Variants in PLEKHG7 observed in about 807,000 individuals in gnomAD.
PLEKHG7 encodes pleckstrin homology domain-containing family G member 7.
PLEKHG7 carries 77 observed loss-of-function variants against 85.2 expected under a neutral mutation model. That is an observed-to-expected ratio of 0.90 (90% CI 0.75 to 1.09). The LOEUF (loss-of-function observed/expected upper bound fraction) is 1.09, where lower values mean the gene tolerates loss of function less well. Ranked by LOEUF, PLEKHG7 falls within the 50% of genes least tolerant of loss-of-function variation. PLEKHG7 has a pLI of 0.00. For missense variants in PLEKHG7, 777 were observed against 804.3 expected (o/e 0.97, Z 0.41); for synonymous variants, 301 against 302.4 (o/e 1.00, Z 0.05).
At chr12:92,757,161 C>A (rs6538357) in intron 13 of PLEKHG7, among the ~76,000 whole-genome samples, 78,939 of 152,084 alleles carry the variant, frequency 0.52, 21,389 homozygotes, top group East Asian at 0.9. Flanking sequence ...GCCTGTACAA[C>A]CTTGGGCCAT....
At chr12:92,720,964 A>G (rs572619841) in intron 3 of PLEKHG7, among the ~76,000 whole-genome samples, 4 of 152,262 alleles carry the variant, frequency 2.6e-5, no homozygotes, top group Middle Eastern at 6.8e-3. Flanking sequence ...TTGAATTTCT[A>G]ATTCTAGCTC....
intron 3 of PLEKHG7, among the ~76,000 whole-genome samples, chr12:92,716,389 T>C (rs1565787131): frequency 6.6e-6 from 1 of 152,224 alleles, no homozygotes; most frequent in Non-Finnish European, 1.5e-5. Context: ...TTACAGTGTT[T>C]TAACCTGTAA....
At position 92,765,327 on chromosome 12, in the gene PLEKHG7, A is replaced by T. The variant is rs1368373859; in HGVS notation, c.1870+1133A>T. ...CATAGTGAGACCCAGTCTCTTATTA[A>T]AAAAAAAAAAAAAAAAAATAGGCTG... On this transcript the variant is annotated intron_variant, in intron 15 of 16. Coordinates refer to ENST00000344636, the MANE Select transcript of PLEKHG7 (RefSeq NM_001377329.1). Among the ~76,000 whole-genome samples the T allele has an allele frequency of 2.7e-3, 12 of 4,468 alleles. No individual in the cohort carries two copies. In the East Asian group the frequency reaches 0.21, roughly 78 times the overall value. 2.9% of individuals were successfully genotyped at this position (4,468 alleles called of 152,430 possible). A position where few individuals can be genotyped will look rare whatever the true frequency, so the allele number is the denominator to read the frequency against.
chr12:92,737,221 G>A lies in PLEKHG7; in HGVS notation c.796-157G>A, dbSNP rs150535510. Among the ~76,000 whole-genome samples the A allele has an allele frequency of 2.0e-3, 307 of 152,230 alleles. 1 individual carries two copies. The highest frequency in any genetic ancestry group is 7.0e-3 in the African/African-American group (291 of 41,542). On this transcript the variant is annotated intron_variant, in intron 6 of 16. Transcript: ENST00000344636. Reference sequence around the variant, plus strand: ...GAGAAGCTGTGGCTTGGGTCACTTGGGGAGTCACTGTCAAGAGGGATGCCC... The same window carrying A: ...GAGAAGCTGTGGCTTGGGTCACTTGAGGAGTCACTGTCAAGAGGGATGCCC...
chr12:92,746,822 T>A lies in PLEKHG7; in HGVS notation c.1251+1231T>A, dbSNP rs1487865509. Among the ~76,000 whole-genome samples the A allele has an allele frequency of 3.9e-5, 6 of 152,244 alleles. No homozygotes were observed. The East Asian group carries it at 1.2e-3, about 29-fold the overall frequency. Reference sequence around the variant, plus strand: ...TAAATAGCATTAGGAAAACTGAATATCTCGATGCAGAAGAATGAAAGTAGA... The same window carrying A: ...TAAATAGCATTAGGAAAACTGAATAACTCGATGCAGAAGAATGAAAGTAGA... On this transcript the variant is annotated intron_variant, in intron 10 of 16. Transcript: ENST00000344636.
At position 92,706,826 on chromosome 12, in the gene PLEKHG7, C is replaced by G. The variant is rs1279344512; in HGVS notation, c.195C>G (p.Ala65=). 6.2e-7 allele frequency: 1 copy of G among 1,613,956 alleles called. No individual in the cohort carries two copies. The highest frequency in any genetic ancestry group is 8.5e-7 in the Non-Finnish European group (1 of 1,180,016). ...GTGGCTGTGGGACAAGGCAGGATGC[C>G]TGGCAGGTGACCACCTGGGGAAGCT... ...RTRGCGTRQD[A]WQVTTWGSWG... Residue 65 remains alanine (A), a synonymous_variant, in exon 2 of 17, where the codon GCC becomes GCG. Coordinates refer to ENST00000344636, the MANE Select transcript of PLEKHG7 (RefSeq NM_001377329.1).
intron 3 of PLEKHG7, among the ~76,000 whole-genome samples, chr12:92,715,859 C>T (rs77083227): frequency 0.058 from 8,744 of 151,970 alleles, 832 homozygotes; most frequent in African/African-American, 0.2. Flanking sequence ...GTGGCTGTTT[C>T]AACATTGTAA....
At chr12:92,734,448 T>C (rs1872080510) in intron 5 of PLEKHG7, among the ~76,000 whole-genome samples, 1 of 152,232 alleles carries the variant, frequency 6.6e-6, no homozygotes, top group Non-Finnish European at 1.5e-5. Context: ...TGTGAACTCA[T>C]AAATTCTACA....
intron 3 of PLEKHG7, among the ~76,000 whole-genome samples, chr12:92,719,114 T>C (rs1651434571): frequency 6.6e-6 from 1 of 152,194 alleles, no homozygotes; most frequent in Admixed American, 6.5e-5. Context: ...TTGGAAACCA[T>C]AGTCGAACAT....
At chr12:92,706,049 G>T (rs1253292672) in intron 1 of PLEKHG7, among the ~76,000 whole-genome samples, 1 of 152,206 alleles carries the variant, frequency 6.6e-6, no homozygotes, top group East Asian at 1.9e-4. Context: ...TTGAGGGAAG[G>T]AGGCTTGTTT....
intron 15 of PLEKHG7, among the ~76,000 whole-genome samples, chr12:92,768,030 C>A (rs970817597): frequency 2.0e-5 from 3 of 151,776 alleles, no homozygotes; most frequent in African/African-American, 4.8e-5. Context: ...CAAAGTGAAA[C>A]CCCCGTCTCG....
intron 13 of PLEKHG7, among the ~76,000 whole-genome samples, 189 bp downstream of exon 13, chr12:92,756,580 AG>A (rs1047516264): frequency 5.9e-5 from 9 of 152,332 alleles, no homozygotes; most frequent in African/African-American, 1.9e-4. Flanking sequence ...ATAACTAGCT[AG>A]GTGCTCTCTG....
At chr12:92,753,063 T>C (rs1451083778) in intron 10 of PLEKHG7, among the ~76,000 whole-genome samples, 1 of 152,158 alleles carries the variant, frequency 6.6e-6, no homozygotes, top group Non-Finnish European at 1.5e-5. Context: ...TTTTATTAGG[T>C]TGGTGCAAAA....
At chr12:92,712,892 C>T (rs1393057774) in intron 3 of PLEKHG7, among the ~76,000 whole-genome samples, 2 of 152,132 alleles carry the variant, frequency 1.3e-5, no homozygotes, top group African/African-American at 2.4e-5. Context: ...TCCATAAGCC[C>T]CTACTTTAAC....
chr12:92,710,353 TG>T (rs1396363794), intron 3 of PLEKHG7, among the ~76,000 whole-genome samples: 7 of 152,178 alleles, frequency 4.6e-5, no homozygotes. Flanking sequence ...TTCAGGATAA[TG>T]GGGAACATGG....
Position 92,770,944 on chromosome 12 carries a change from A to G in PLEKHG7, c.*749A>G, listed in dbSNP as rs1873405167. On this transcript the variant is annotated 3_prime_UTR_variant, in exon 17 of 17. Coordinates refer to ENST00000344636, the MANE Select transcript of PLEKHG7 (RefSeq NM_001377329.1). Reference sequence around the variant, plus strand: ...AGTAAGGTATCTGTCTCTTAACTTTATTTTTTGAAGAATGATGGTGTTTGC... The same window carrying G: ...AGTAAGGTATCTGTCTCTTAACTTTGTTTTTTGAAGAATGATGGTGTTTGC... The G allele has an allele frequency of 6.6e-6, 1 of 151,476 alleles. No homozygotes were observed. The highest frequency in any genetic ancestry group is 1.5e-5 in the Non-Finnish European group (1 of 67,852). The allele number at this position is 151,476 out of a possible 1,614,324, so 9.4% of individuals were successfully genotyped here.
intron 15 of PLEKHG7, among the ~76,000 whole-genome samples, chr12:92,765,919 C>T (rs760936665): frequency 6.6e-6 from 1 of 152,174 alleles, no homozygotes; most frequent in Non-Finnish European, 1.5e-5. Flanking sequence ...CCTCCTGTGT[C>T]CATTCTTTCT....
intron 15 of PLEKHG7, among the ~76,000 whole-genome samples, chr12:92,768,269 AT>A (rs1164256217): frequency 6.6e-6 from 1 of 152,164 alleles, no homozygotes; most frequent in Admixed American, 6.5e-5. Context: ...TGTATTAATA[AT>A]TCAAAGAAGA....
chr12:92,743,631 C>T (rs1872432857), intron 9 of PLEKHG7, among the ~76,000 whole-genome samples: 2 of 152,282 alleles, frequency 1.3e-5, no homozygotes, highest in African/African-American at 4.8e-5. Flanking sequence ...ACGATCTCAG[C>T]TCATGGCAAC....
Sources: allele counts gnomAD v4.1 joint callset (sites outside exome capture counted in the v4.1 genomes callset), GRCh38; gene constraint gnomAD v4.1.1; transcripts MANE v1.5; gene names NCBI Gene and HGNC (gene_info 2026-07-23, HGNC 2026-07-21).